RNF38: variants seen among roughly 807,000 people sequenced by gnomAD.
RNF38 encodes the protein ring finger protein 38.
RNF38 carries 15 observed loss-of-function variants against 67.2 expected under a neutral mutation model. That is an observed-to-expected ratio of 0.22 (90% confidence interval 0.15 to 0.34). RNF38 has a LOEUF of 0.34. RNF38 is among the 10% of genes least tolerant of loss of function. RNF38 has a pLI of 1.00. For synonymous variants in RNF38, 220 were observed against 218.8 expected (o/e 1.01, Z -0.05); for missense variants, 524 against 639.9 (o/e 0.82, Z 1.95).
chr9:36,467,217 CAT>C (rs1170955335), intron 1 of RNF38, among the ~76,000 whole-genome samples: 17 of 52,496 alleles, frequency 3.2e-4, no homozygotes, highest in Middle Eastern at 9.1e-3. Flanking sequence ...ATTGCTATTA[CAT>C]ATATATATAT....
chr9:36,469,228 C>T (rs1839936653), intron 1 of RNF38, among the ~76,000 whole-genome samples: 1 of 152,136 alleles, frequency 6.6e-6, no homozygotes, highest in South Asian at 2.1e-4. Flanking sequence ...TTGGCCCTTT[C>T]TATATAGAGA....
Position 36,413,048 on chromosome 9 carries a change from G to A in RNF38, n.312+11565C>T, listed in dbSNP as rs371659352. Among the ~76,000 whole-genome samples the A allele has an allele frequency of 6.2e-4, 94 of 152,046 alleles. 1 individual carries two copies. Among genetic ancestry groups the A allele is most frequent in the Middle Eastern group, 6.8e-3 (2 of 294 alleles). On this transcript the variant is annotated intron_variant and non_coding_transcript_variant, in intron 2 of 3. Coordinates refer to the RNF38 transcript ENST00000488058. Reference sequence around the variant, plus strand: ...GATCAAGCCATTGCACTCTAGCCTGGACAACAAGAGCGAGAGTCCATCTCA... The same window carrying A: ...GATCAAGCCATTGCACTCTAGCCTGAACAACAAGAGCGAGAGTCCATCTCA...
intron 5 of RNF38, among the ~76,000 whole-genome samples, chr9:36,356,791 T>C (rs1834151515): frequency 6.6e-6 from 1 of 152,016 alleles, no homozygotes. Flanking sequence ...GGAAACTCTC[T>C]CTAGTTGGTT....
At chr9:36,427,275 A>C (rs945183825) in intron 1 of RNF38, among the ~76,000 whole-genome samples, 1 of 152,236 alleles carries the variant, frequency 6.6e-6, no homozygotes, top group Non-Finnish European at 1.5e-5. Flanking sequence ...GAAAAGGGGA[A>C]GAAAGGAAAT....
intron 8 of RNF38, among the ~76,000 whole-genome samples, chr9:36,351,719 G>GT (rs1268967222): frequency 5.3e-5 from 8 of 152,190 alleles, no homozygotes; most frequent in Non-Finnish European, 1.2e-4. Context: ...TATAAAAACT[G>GT]TATTTCCTAG....
In RNF38 at chr9:36,487,212, T is replaced by C. The variant is rs1263269827; in HGVS notation, n.241+96A>G. On this transcript the variant is annotated intron_variant and non_coding_transcript_variant, in intron 1 of 3. Coordinates refer to the RNF38 transcript ENST00000488058. ...CTGACCCGGACAACGCTCCTCCCCGTCGGCGGGGCCGGGCGCCTGGACCAC... is the reference window on the plus strand; with the variant it reads ...CTGACCCGGACAACGCTCCTCCCCGCCGGCGGGGCCGGGCGCCTGGACCAC... 2.8e-5 allele frequency: 22 copies of C among 784,288 alleles called. No individual in the cohort carries two copies. The African/African-American group carries it at 2.8e-4, about 10-fold the overall frequency. The allele number at this position is 784,288 out of a possible 1,614,324, so 48.6% of individuals were successfully genotyped here. A position where few individuals can be genotyped will look rare whatever the true frequency, so the allele number is the denominator to read the frequency against.
intron 4 of RNF38, among the ~76,000 whole-genome samples, chr9:36,359,305 T>A (rs1834349533): frequency 2.0e-5 from 3 of 151,770 alleles, no homozygotes; most frequent in African/African-American, 4.8e-5. Context: ...GTAGCCAGAG[T>A]GTAGCTTTGG....
intron 1 of RNF38, among the ~76,000 whole-genome samples, chr9:36,477,732 G>C (rs532214667): frequency 1.3e-5 from 2 of 150,638 alleles, no homozygotes; most frequent in Non-Finnish European, 3.0e-5. Context: ...TGAGGCAGGA[G>C]AATGGCGTGA....
At chr9:36,431,892 G>A (rs565315396) in intron 1 of RNF38, among the ~76,000 whole-genome samples, 3 of 152,078 alleles carry the variant, frequency 2.0e-5, no homozygotes, top group South Asian at 2.1e-4. Context: ...GACTCACTTC[G>A]TTAGCAGAAA....
chr9:36,433,456 T>C (rs1838981778), intron 1 of RNF38, among the ~76,000 whole-genome samples: 1 of 151,022 alleles, frequency 6.6e-6, no homozygotes, highest in Non-Finnish European at 1.5e-5. Context: ...AAAGAAAACA[T>C]AGGGCCAGGC....
Position 36,416,441 on chromosome 9 carries a change from A to T in RNF38, n.312+8172T>A, listed in dbSNP as rs1328204324. ...TAGAGCAAGGCTGAGATTTTGCCCC[A>T]GGCTACAAAAGCCCCTGCTGAGAAA... On this transcript the variant is annotated intron_variant and non_coding_transcript_variant, in intron 2 of 3. Coordinates refer to the RNF38 transcript ENST00000488058. Among the ~76,000 whole-genome samples, 4 of 152,078 alleles carry T rather than the reference A, an allele frequency of 2.6e-5. No homozygotes were observed. The South Asian group carries it at 8.3e-4, about 32-fold the overall frequency.
intron 2 of RNF38, among the ~76,000 whole-genome samples, chr9:36,409,030 T>C (rs1838250783): frequency 6.6e-6 from 1 of 152,004 alleles, no homozygotes; most frequent in South Asian, 2.1e-4. Flanking sequence ...CTACTAAAAA[T>C]ACAAAAATTA....
intron 9 of RNF38, among the ~76,000 whole-genome samples, chr9:36,349,759 A>G (rs79796416): frequency 0.022 from 3,365 of 152,042 alleles, 66 homozygotes; most frequent in Middle Eastern, 0.037. Flanking sequence ...TTCAGGTAGT[A>G]AGTTTAGGTC....
chr9:36,358,435 C>A (rs569966962), intron 4 of RNF38, among the ~76,000 whole-genome samples: 1 of 152,350 alleles, frequency 6.6e-6, no homozygotes, highest in Non-Finnish European at 1.5e-5. Flanking sequence ...TCCTTCTTCT[C>A]TTTCTCCATG....
intron 11 of RNF38, 71 bp from the exon 12 acceptor site, chr9:36,339,885 T>C: frequency 8.1e-7 from 1 of 1,227,132 alleles, no homozygotes; most frequent in Non-Finnish European, 1.2e-6. Flanking sequence ...GCAATGGAAC[T>C]ACTTTTACTT....
At chr9:36,393,261 G>A (rs1359101575) in intron 1 of RNF38, among the ~76,000 whole-genome samples, 3 of 151,996 alleles carry the variant, frequency 2.0e-5, no homozygotes, top group Admixed American at 6.6e-5. Flanking sequence ...ATGAAAAACT[G>A]GCCAACCTGG....
At chr9:36,451,997 A>C (rs1189350941) in intron 1 of RNF38, among the ~76,000 whole-genome samples, 1 of 152,102 alleles carries the variant, frequency 6.6e-6, no homozygotes, top group African/African-American at 2.4e-5. Flanking sequence ...AGGATGGATC[A>C]CTTGAGCTCA....
chr9:36,423,935 C>A (rs1266705408), intron 2 of RNF38, among the ~76,000 whole-genome samples: 1 of 18,972 alleles, frequency 5.3e-5, no homozygotes, highest in Non-Finnish European at 1.3e-4. Flanking sequence ...GGCGACAGAG[C>A]GAGACTCCGT....
chr9:36,393,188 G>A (rs1837241576), intron 1 of RNF38, among the ~76,000 whole-genome samples: 1 of 152,100 alleles, frequency 6.6e-6, no homozygotes, highest in South Asian at 2.1e-4. Context: ...GACAAATCAA[G>A]GTTATGTTTC....
Sources: gnomAD v4.1 joint callset for allele counts (sites outside exome capture counted in the v4.1 genomes callset) on GRCh38, gnomAD v4.1.1 for gene constraint, MANE v1.5 for transcripts, NCBI Gene and HGNC (gene_info 2026-07-23, HGNC 2026-07-21) for gene names.